Variants in SPSB4 observed in about 807,000 individuals in gnomAD.
The protein encoded by SPSB4 is SPRY domain-containing SOCS box protein 4.
In SPSB4, 21 loss-of-function variants were observed where a neutral mutation model predicts 20.9. That is an observed-to-expected ratio of 1.01 (90% CI 0.71 to 1.45). The LOEUF is 1.45. Ranked by LOEUF, SPSB4 falls within the 40% of genes most tolerant of loss-of-function variation. The pLI, the probability that SPSB4 is intolerant of heterozygous loss-of-function variation, is 0.00. For synonymous variants in SPSB4, 207 were observed against 183.8 expected, an observed-to-expected ratio of 1.13 and a Z score of -1.02; for missense variants, 399 against 399.2, an observed-to-expected ratio of 1.00 and a Z score of 0.00.
At chr3:141,142,100 T>G (rs1256385276) in intron 2 of SPSB4, among the ~76,000 whole-genome samples, 1 of 152,240 alleles carries the variant, frequency 6.6e-6, no homozygotes, top group Non-Finnish European at 1.5e-5. Flanking sequence ...TTTAGTTTGT[T>G]CTTGTTTCTC....
At chr3:141,102,920 C>T (rs140459070) in intron 2 of SPSB4, among the ~76,000 whole-genome samples, 1 of 152,270 alleles carries the variant, frequency 6.6e-6, no homozygotes, top group Non-Finnish European at 1.5e-5. Context: ...ACATCTCTGC[C>T]TCTACCTCAC....
chr3:141,073,297 C>T (rs1368335939), intron 2 of SPSB4, among the ~76,000 whole-genome samples: 2 of 152,210 alleles, frequency 1.3e-5, no homozygotes, highest in South Asian at 4.1e-4. Flanking sequence ...GATTGCGGTG[C>T]TGAGCTCATC....
At chr3:141,126,407 G>A (rs1242274181) in intron 2 of SPSB4, among the ~76,000 whole-genome samples, 1 of 152,142 alleles carries the variant, frequency 6.6e-6, no homozygotes, top group Non-Finnish European at 1.5e-5. Flanking sequence ...GCAGCCTGTT[G>A]GAATGGAAGC....
At chr3:141,089,184 G>C (rs563683184) in intron 2 of SPSB4, among the ~76,000 whole-genome samples, 1 of 152,312 alleles carries the variant, frequency 6.6e-6, no homozygotes, top group Non-Finnish European at 1.5e-5. Context: ...TTAAGGAAGG[G>C]GTGTGTGTGA....
chr3:141,101,085 G>A (rs905739743), intron 2 of SPSB4, among the ~76,000 whole-genome samples: 10 of 152,296 alleles, frequency 6.6e-5, no homozygotes, highest in Non-Finnish European at 1.0e-4. Context: ...GATGTGGTAC[G>A]AGTTGTCATG....
chr3:141,124,214 G>C (rs1333767265), intron 2 of SPSB4: 4 of 152,244 alleles, frequency 2.6e-5, no homozygotes, highest in Admixed American at 6.5e-5. Flanking sequence ...GGTAAGGGCT[G>C]GACAGCTAAC....
intron 2 of SPSB4, among the ~76,000 whole-genome samples, chr3:141,131,286 G>A (rs1389037465): frequency 1.3e-5 from 2 of 152,078 alleles, no homozygotes; most frequent in Non-Finnish European, 2.9e-5. Flanking sequence ...CATTAGGGCA[G>A]GCAGGCAAAT....
At chr3:141,080,360 A>G (rs971616529) in intron 2 of SPSB4, 1 of 152,262 alleles carries the variant, frequency 6.6e-6, no homozygotes, top group Non-Finnish European at 1.5e-5. Flanking sequence ...CTGGCAGTCC[A>G]GCCAAGAAAA....
At chr3:141,108,168 G>C (rs1422067918) in intron 2 of SPSB4, among the ~76,000 whole-genome samples, 1 of 151,992 alleles carries the variant, frequency 6.6e-6, no homozygotes, top group Non-Finnish European at 1.5e-5. Context: ...CCGAGCTCAG[G>C]AGCCTCTGCC....
intron 2 of SPSB4, among the ~76,000 whole-genome samples, chr3:141,105,716 A>G (rs147386437): frequency 2.7e-4 from 41 of 152,354 alleles, no homozygotes; most frequent in African/African-American, 9.4e-4. Flanking sequence ...CAGGGTTAGG[A>G]AGAGGCAAGT....
rs1333166571 is a variant in SPSB4 at position 141,132,866 on chromosome 3, G to C, written c.695-14276G>C. Among the ~76,000 whole-genome samples the C allele has an allele frequency of 2.6e-5, 4 of 152,236 alleles. No homozygotes were observed. In the East Asian group the frequency reaches 7.7e-4, roughly 29 times the overall value. On this transcript the variant is annotated intron_variant, in intron 2 of 2. Coordinates refer to ENST00000310546, the MANE Select transcript of SPSB4 (RefSeq NM_080862.3). Reference sequence around the variant, plus strand: ...GTAGTTCTACTTTTAGTTCTTTAAGGAATCTCCACACTGTTTTCCATAATG... The same window carrying C: ...GTAGTTCTACTTTTAGTTCTTTAAGCAATCTCCACACTGTTTTCCATAATG...
chr3:141,073,406 T>C (rs563766481), intron 2 of SPSB4, among the ~76,000 whole-genome samples: 1 of 152,352 alleles, frequency 6.6e-6, no homozygotes, highest in Non-Finnish European at 1.5e-5. Flanking sequence ...ATTAATTTGA[T>C]ATTAAGGAGG....
chr3:141,141,655 G>T (rs568853566), intron 2 of SPSB4, among the ~76,000 whole-genome samples: 4 of 152,318 alleles, frequency 2.6e-5, no homozygotes, highest in Non-Finnish European at 5.9e-5. Flanking sequence ...ATAGAATTCA[G>T]CTGTGAATCC....
Position 141,066,646 on chromosome 3 carries a change from T to C in SPSB4, c.542T>C (p.Leu181Pro), listed in dbSNP as rs1318331992. 2 of 1,612,404 alleles carry C rather than the reference T, an allele frequency of 1.2e-6. No homozygotes were observed. Among genetic ancestry groups the C allele is most frequent in the Non-Finnish European group, 1.7e-6 (2 of 1,179,406 alleles). The part of the protein sequence containing the change: ...FALPDSLLVV[L>P]DMDEGTLSFI... ...CTGCCCGACTCGCTGCTCGTGGTGC[T>C]GGACATGGATGAGGGCACACTCAGC... The change falls in exon 2 of 3, where the codon CTG becomes CCG. Residue 181 changes from leucine (L) to proline (P), a missense_variant. Leu to Pro is a moderately conservative substitution (Grantham distance 98). Coordinates refer to ENST00000310546, the MANE Select transcript of SPSB4 (RefSeq NM_080862.3).
chr3:141,100,166 A>C (rs1938594182), intron 2 of SPSB4, among the ~76,000 whole-genome samples: 1 of 152,166 alleles, frequency 6.6e-6, no homozygotes, highest in Non-Finnish European at 1.5e-5. Context: ...GGCAGCTCTT[A>C]TCTTCTCTTG....
rs995543315 is a variant in SPSB4, at chr3:141,076,085, A to C, written c.694+9287A>C. Among the ~76,000 whole-genome samples the C allele has an allele frequency of 4.8e-4, 57 of 118,884 alleles. No homozygotes were observed. The African/African-American group carries it at 5.1e-3, about 11-fold the overall frequency. 78.0% of individuals were successfully genotyped at this position (118,884 alleles called of 152,430 possible). A position where few individuals can be genotyped will look rare whatever the true frequency, so the allele number is the denominator to read the frequency against. On this transcript the variant is annotated intron_variant, in intron 2 of 2. Coordinates refer to ENST00000310546, the MANE Select transcript of SPSB4 (RefSeq NM_080862.3). Reference sequence around the variant, plus strand: ...AAAAAGTAAAAAATAAATAAGATAAAATAAAATGCGTATTCCTCTGTGCCT... The same window carrying C: ...AAAAAGTAAAAAATAAATAAGATAACATAAAATGCGTATTCCTCTGTGCCT...
chr3:141,095,997 AGAT>A (rs750313232), intron 2 of SPSB4, among the ~76,000 whole-genome samples: 12 of 152,122 alleles, frequency 7.9e-5, no homozygotes, highest in Non-Finnish European at 1.8e-4. Flanking sequence ...CAACAGAGCC[AGAT>A]GATATTAGGG....
At chr3:141,080,695 CA>C (rs1259245428) in intron 2 of SPSB4, among the ~76,000 whole-genome samples, 1 of 152,214 alleles carries the variant, frequency 6.6e-6, no homozygotes, top group East Asian at 1.9e-4. Flanking sequence ...CCATGCTGCG[CA>C]AGCCACCCAG....
chr3:141,065,549 C>T (rs1375422520), intron 1 of SPSB4, among the ~76,000 whole-genome samples: 1 of 152,198 alleles, frequency 6.6e-6, no homozygotes, highest in East Asian at 1.9e-4. Flanking sequence ...TCTGGGCTCA[C>T]GCCTTATTTC....
Sources: gnomAD v4.1 joint callset for allele counts (sites outside exome capture counted in the v4.1 genomes callset) on GRCh38, gnomAD v4.1.1 for gene constraint, MANE v1.5 for transcripts, NCBI Gene and HGNC (gene_info 2026-07-23, HGNC 2026-07-21) for gene names.